The following OTULINL variants were observed in gnomAD, a reference collection of about 807,000 sequenced individuals.
OTULINL encodes OTU deubiquitinase with linear linkage specificity like.
Under a neutral mutation model 43.9 loss-of-function variants are expected in OTULINL, and 42 were observed. The ratio of observed to expected loss-of-function variants is 0.96; its 90% confidence interval spans 0.75 to 1.24. The LOEUF (loss-of-function observed/expected upper bound fraction) is 1.24, where lower values mean the gene tolerates loss of function less well. Among genes scored for constraint, OTULINL ranks in the 50% most tolerant of loss-of-function variants. The pLI is 0.00. For synonymous variants in OTULINL, 172 were observed against 153.6 expected (o/e 1.12, Z -0.88); for missense variants, 411 against 426.4 (o/e 0.96, Z 0.32).
Position 14,614,598 on chromosome 5 carries a change from G to T in OTULINL, c.*4284G>T. 2.5e-6 allele frequency: 1 copy of T among 398,614 alleles called. No individual in the cohort carries two copies. 24.7% of individuals were successfully genotyped at this position (398,614 alleles called of 1,614,324 possible). On this transcript the variant is annotated 3_prime_UTR_variant, in exon 8 of 8. Coordinates refer to ENST00000274217, the MANE Select transcript of OTULINL (RefSeq NM_019018.3). Reference sequence around the variant, plus strand: ...TATCAACATGGTTTATAAGTGGACAGAAAAACACTCACTCACGTATTCAGC... The same window carrying T: ...TATCAACATGGTTTATAAGTGGACATAAAAACACTCACTCACGTATTCAGC...
Position 14,615,920 on chromosome 5 carries a change from A to G in OTULINL, c.*5606A>G, listed in dbSNP as rs1247728080. On this transcript the variant is annotated 3_prime_UTR_variant, in exon 8 of 8. Coordinates refer to ENST00000274217, the MANE Select transcript of OTULINL (RefSeq NM_019018.3). ...TTCTTTGTACTATACAGAAGGACAC[A>G]CCACAGATCCTCTTTTTAAAGCAGG... Among the ~76,000 whole-genome samples the G allele has an allele frequency of 6.6e-6, 1 of 152,216 alleles. No individual in the cohort carries two copies. The highest frequency in any genetic ancestry group is 1.5e-5 in the Non-Finnish European group (1 of 68,044).
At chr5:14,606,173 A>G (rs1010728558) in intron 5 of OTULINL, among the ~76,000 whole-genome samples, 4 of 152,212 alleles carry the variant, frequency 2.6e-5, no homozygotes, top group Non-Finnish European at 4.4e-5. Context: ...TCAGAGGAGC[A>G]AGTCACATTT....
chr5:14,608,718 T>C (rs1274270203), intron 6 of OTULINL, 30 bp from the exon 7 acceptor site: 1 of 1,558,696 alleles, frequency 6.4e-7, no homozygotes, highest in Admixed American at 1.8e-5. Context: ...CCTTTATCCT[T>C]CTGAATTTCA....
At position 14,615,168 on chromosome 5, in the gene OTULINL, A is replaced by G. The variant is rs988314305; in HGVS notation, c.*4854A>G. On this transcript the variant is annotated 3_prime_UTR_variant, in exon 8 of 8. Coordinates refer to ENST00000274217, the MANE Select transcript of OTULINL (RefSeq NM_019018.3). ...TCAGTGACACTGGAATGCTTTAAGG[A>G]TGGTTTGTGACTTTACCCCATTGTG... Among the ~76,000 whole-genome samples the G allele has an allele frequency of 4.6e-5, 7 of 152,180 alleles. No homozygotes were observed. The highest frequency in any genetic ancestry group is 1.7e-4 in the African/African-American group (7 of 41,426).
At chr5:14,591,174 G>A (rs1759195061) in intron 1 of OTULINL, among the ~76,000 whole-genome samples, 1 of 152,210 alleles carries the variant, frequency 6.6e-6, no homozygotes, top group African/African-American at 2.4e-5. Flanking sequence ...AGCCAAATCA[G>A]TAATGAAATC....
intron 1 of OTULINL, among the ~76,000 whole-genome samples, chr5:14,586,736 C>G (rs1028724652): frequency 2.6e-5 from 4 of 152,054 alleles, no homozygotes; most frequent in East Asian, 1.9e-4. Flanking sequence ...TCTCCTCTTG[C>G]CATATTATTG....
At position 14,611,058 on chromosome 5, in the gene OTULINL, C is replaced by T. The variant is rs529382876; in HGVS notation, c.*744C>T. The T allele has an allele frequency of 2.0e-5, 3 of 152,188 alleles. No homozygotes were observed. In the South Asian group the frequency reaches 6.2e-4, roughly 32 times the overall value. The allele number at this position is 152,188 out of a possible 1,614,324, so 9.4% of individuals were successfully genotyped here. ...ATTAAAGCAAATGACAGTTATTGAACTATCACAAAACTATTAAACTGTGGT... is the reference window on the plus strand; with the variant it reads ...ATTAAAGCAAATGACAGTTATTGAATTATCACAAAACTATTAAACTGTGGT... On this transcript the variant is annotated 3_prime_UTR_variant, in exon 8 of 8. Coordinates refer to ENST00000274217, the MANE Select transcript of OTULINL (RefSeq NM_019018.3).
chr5:14,609,148 G>GC (rs1228796040), intron 7 of OTULINL, 131 bp downstream of exon 7: 3 of 904,836 alleles, frequency 3.3e-6, no homozygotes, highest in Non-Finnish European at 5.1e-6. Context: ...TGATATTATC[G>GC]CCCCTCAAAT....
At position 14,602,290 on chromosome 5, in the gene OTULINL, C is replaced by T; in HGVS notation, c.456C>T (p.Gly152=). ...TGTTATTTCAGATATTCAGCCAGGGCATCTCTTTTCCATCATGGATGAAAG... is the reference window on the plus strand; with the variant it reads ...TGTTATTTCAGATATTCAGCCAGGGTATCTCTTTTCCATCATGGATGAAAG... The part of the protein sequence containing the change: ...RSVLFQIFSQ[G]ISFPSWMKEK... The change falls in exon 5 of 8, where the codon GGC becomes GGT. Residue 152 remains glycine, a synonymous_variant. Coordinates refer to ENST00000274217, the MANE Select transcript of OTULINL (RefSeq NM_019018.3). 3.7e-6 allele frequency: 6 copies of T among 1,613,698 alleles called. No individual in the cohort carries two copies. The highest frequency in any genetic ancestry group is 4.2e-6 in the Non-Finnish European group (5 of 1,179,744).
chr5:14,587,198 T>C (rs1433196873), intron 1 of OTULINL, among the ~76,000 whole-genome samples: 1 of 152,340 alleles, frequency 6.6e-6, no homozygotes, highest in East Asian at 1.9e-4. Flanking sequence ...CCTGATACTT[T>C]GGGGTTGTAT....
intron 1 of OTULINL, among the ~76,000 whole-genome samples, chr5:14,585,836 C>T (rs1421993651): frequency 6.6e-6 from 1 of 152,208 alleles, no homozygotes; most frequent in African/African-American, 2.4e-5. Context: ...CTGCTTCTGT[C>T]ACGTGAAACA....
At chr5:14,608,626 GAGTTAA>G in intron 6 of OTULINL, 116 bp from the exon 7 acceptor site, 1 of 771,096 alleles carries the variant, frequency 1.3e-6, no homozygotes, top group South Asian at 2.0e-5. Context: ...AGAAAGTGAA[GAGTTAA>G]AGTTCCACTT....
At chr5:14,585,099 G>A (rs1329878482) in intron 1 of OTULINL, among the ~76,000 whole-genome samples, 1 of 152,180 alleles carries the variant, frequency 6.6e-6, no homozygotes, top group Non-Finnish European at 1.5e-5. Context: ...TAGAACAAGT[G>A]CCTTCAAGGT....
At chr5:14,586,685 T>A (rs564926730) in intron 1 of OTULINL, among the ~76,000 whole-genome samples, 2 of 152,286 alleles carry the variant, frequency 1.3e-5, no homozygotes, top group South Asian at 4.1e-4. Context: ...AATATTAGGG[T>A]GAGTCTTCTA....
In OTULINL at chr5:14,601,002, C is replaced by A; in HGVS notation, c.102C>A (p.Ser34Arg). Residue 34 changes from serine to arginine, a missense_variant, in exon 2 of 8, where the codon AGC becomes AGA. Transcript: ENST00000274217. Reference protein sequence around the residue: ...DQVHSWMLATSQALDTVWRMA... With the variant: ...DQVHSWMLATRQALDTVWRMA... Reference sequence around the variant, plus strand: ...TTCACTCCTGGATGCTAGCTACAAGCCAAGCCTTAGACACTGTCTGGAGAA... The same window carrying A: ...TTCACTCCTGGATGCTAGCTACAAGACAAGCCTTAGACACTGTCTGGAGAA... The A allele has an allele frequency of 6.3e-7, 1 of 1,577,304 alleles. No homozygotes were observed. The highest frequency in any genetic ancestry group is 1.2e-5 in the South Asian group (1 of 84,454).
intron 7 of OTULINL, among the ~76,000 whole-genome samples, chr5:14,609,884 C>G (rs1291598292): frequency 6.6e-6 from 1 of 152,194 alleles, no homozygotes; most frequent in African/African-American, 2.4e-5. Context: ...TCCCAAAGTG[C>G]TGGGATTACA....
At chr5:14,594,977 T>C (rs1033604781) in intron 1 of OTULINL, among the ~76,000 whole-genome samples, 2 of 152,124 alleles carry the variant, frequency 1.3e-5, no homozygotes, top group Non-Finnish European at 1.5e-5. Context: ...CTAACCATAA[T>C]AGGACATTGA....
chr5:14,600,180 C>T (rs1323583677), intron 1 of OTULINL, among the ~76,000 whole-genome samples: 1 of 152,124 alleles, frequency 6.6e-6, no homozygotes, highest in East Asian at 1.9e-4. Flanking sequence ...TGAGTTCTCA[C>T]GAGATCTGAT....
chr5:14,601,021 T>A lies in OTULINL; in HGVS notation c.121T>A (p.Trp41Arg). The change falls in exon 2 of 8, where the codon TGG becomes AGG. Residue 41 changes from tryptophan (W) to arginine (R), a missense_variant. By Grantham distance (101) the Trp-to-Arg change is moderately radical. Transcript: ENST00000274217. ...TACAAGCCAAGCCTTAGACACTGTC[T>A]GGAGAATGGCAAAAGGCTTTGTGAT... ...LATSQALDTV[W>R]RMAKGFVMLA... 6.2e-7 allele frequency: 1 copy of A among 1,612,202 alleles called. No individual in the cohort carries two copies. The highest frequency in any genetic ancestry group is 8.5e-7 in the Non-Finnish European group (1 of 1,179,478).
Sources: gnomAD v4.1 joint callset for allele counts (sites outside exome capture counted in the v4.1 genomes callset) on GRCh38, gnomAD v4.1.1 for gene constraint, MANE v1.5 for transcripts, NCBI Gene and HGNC (gene_info 2026-07-23, HGNC 2026-07-21) for gene names.